Variants in CNBD1 observed in about 807,000 individuals in gnomAD.
The protein encoded by CNBD1 is cyclic nucleotide binding domain containing 1, also known as cyclic nucleotide-binding domain-containing protein 1.
A neutral mutation model predicts 54.4 loss-of-function variants in CNBD1; 71 were observed. The observed-to-expected ratio is 1.30, with a 90% CI of 1.08 to 1.59. The LOEUF is 1.59. Ranked by LOEUF, CNBD1 falls within the 40% of genes most tolerant of loss-of-function variation. The pLI is 0.00. For synonymous variants in CNBD1, 182 were observed against 170.7 expected (o/e 1.07, Z -0.51); for missense variants, 659 against 518.0 (o/e 1.27, Z -2.64).
intron 2 of CNBD1, among the ~76,000 whole-genome samples, chr8:87,423,260 C>A (rs989242120): frequency 9.9e-5 from 15 of 151,048 alleles, no homozygotes; most frequent in Admixed American, 2.0e-4. Context: ...AATTGAATAC[C>A]CTTTATTTCC....
At chr8:87,103,939 G>A (rs577225864) in intron 4 of CNBD1, among the ~76,000 whole-genome samples, 2 of 152,312 alleles carry the variant, frequency 1.3e-5, no homozygotes, top group Non-Finnish European at 2.9e-5. Context: ...CAAGAGTCAA[G>A]GGAAATGAGA....
intron 6 of CNBD1, among the ~76,000 whole-genome samples, chr8:87,248,905 G>A (rs1388915813): frequency 6.6e-6 from 1 of 152,068 alleles, no homozygotes; most frequent in Non-Finnish European, 1.5e-5. Flanking sequence ...AATAATGAGA[G>A]GGCCACGTAT....
intron 4 of CNBD1, among the ~76,000 whole-genome samples, chr8:87,153,852 C>T (rs972273299): frequency 3.3e-5 from 5 of 151,934 alleles, no homozygotes; most frequent in Non-Finnish European, 7.4e-5. Flanking sequence ...TTTGGGAGAC[C>T]GTAGAACAAA....
chr8:87,135,170 A>G (rs1193988394), intron 4 of CNBD1, among the ~76,000 whole-genome samples: 2 of 152,134 alleles, frequency 1.3e-5, no homozygotes, highest in African/African-American at 4.8e-5. Context: ...TGTGAATGGA[A>G]GTTACAGTAA....
At chr8:87,140,674 A>G (rs1027813320) in intron 4 of CNBD1, among the ~76,000 whole-genome samples, 5 of 152,158 alleles carry the variant, frequency 3.3e-5, no homozygotes, top group African/African-American at 4.8e-5. Flanking sequence ...TTTAAGTTCA[A>G]TTTTTTAAAT....
chr8:86,901,065 CT>C (rs1267778065), intron 2 of CNBD1, among the ~76,000 whole-genome samples: 2 of 152,060 alleles, frequency 1.3e-5, no homozygotes, highest in Admixed American at 6.6e-5. Context: ...ACAGAAGAGA[CT>C]GAATAGCATG....
At chr8:86,961,395 GC>G (rs1191424504) in intron 4 of CNBD1, among the ~76,000 whole-genome samples, 1 of 152,122 alleles carries the variant, frequency 6.6e-6, no homozygotes, top group Non-Finnish European at 1.5e-5. Flanking sequence ...GTTAAAACAG[GC>G]CCCCTGCTTA....
At position 86,909,745 on chromosome 8, in the gene CNBD1, T is replaced by A. The variant is rs1586127958; in HGVS notation, c.272+4551T>A. Among the ~76,000 whole-genome samples, 3 of 152,344 alleles carry A rather than the reference T, an allele frequency of 2.0e-5. No homozygotes were observed. In the East Asian group the frequency reaches 5.8e-4, roughly 29 times the overall value. ...ACTATGATGAGAAATATTTTTAAAA[T>A]CTGAGAACCCTGGCTTAAGATAGAA... On this transcript the variant is annotated intron_variant, in intron 3 of 10. Transcript: ENST00000518476.
At chr8:87,082,090 C>T (rs1399817137) in intron 4 of CNBD1, among the ~76,000 whole-genome samples, 5 of 152,190 alleles carry the variant, frequency 3.3e-5, no homozygotes, top group African/African-American at 7.2e-5. Flanking sequence ...GTGACTTGCA[C>T]GTATACATCC....
chr8:87,228,657 G>A (rs1325826331), intron 5 of CNBD1, among the ~76,000 whole-genome samples: 1 of 151,322 alleles, frequency 6.6e-6, no homozygotes, highest in Non-Finnish European at 1.5e-5. Context: ...TGTCAGACAG[G>A]GACATTTAAG....
intron 3 of CNBD1, among the ~76,000 whole-genome samples, chr8:86,925,423 T>C (rs562853898): frequency 6.6e-6 from 1 of 151,784 alleles, no homozygotes; most frequent in Non-Finnish European, 1.5e-5. Flanking sequence ...TTAGAAAGAG[T>C]CTGTATATTA....
intron 8 of CNBD1, among the ~76,000 whole-genome samples, chr8:87,304,122 C>G (rs909464123): frequency 2.0e-5 from 3 of 151,926 alleles, no homozygotes; most frequent in African/African-American, 7.3e-5. Context: ...TTGACCCAGC[C>G]ATCCCATTAC....
chr8:86,891,694 A>C (rs1328335670), intron 2 of CNBD1, among the ~76,000 whole-genome samples: 1 of 152,072 alleles, frequency 6.6e-6, no homozygotes, highest in Non-Finnish European at 1.5e-5. Context: ...CATTTTAACA[A>C]TATTAATTCT....
At chr8:87,353,834 G>C in intron 10 of CNBD1, 48 bp downstream of exon 10, 1 of 1,455,370 alleles carries the variant, frequency 6.9e-7, no homozygotes, top group Non-Finnish European at 9.3e-7. Context: ...TATTGGATGA[G>C]TTCTTAAATT....
chr8:87,010,227 TG>T, intron 4 of CNBD1, among the ~76,000 whole-genome samples: 1 of 152,246 alleles, frequency 6.6e-6, no homozygotes. Flanking sequence ...CCACTTCCCT[TG>T]GTACTTCAAA....
rs141803033 is a variant in CNBD1, at chr8:87,361,642, C to G, written c.1303+7856C>G. ...GTATAGATTTTGCATATACTTTGCC[C>G]CAGCAATTCCAGTTCATGGGGATCA... On this transcript the variant is annotated intron_variant, in intron 10 of 10. Transcript: ENST00000518476. Among the ~76,000 whole-genome samples, 21 of 150,246 alleles carry G rather than the reference C, an allele frequency of 1.4e-4. 1 individual carries two copies. The East Asian group carries it at 3.9e-3, about 28-fold the overall frequency.
chr8:87,357,310 G>T (rs1399607081), intron 10 of CNBD1, among the ~76,000 whole-genome samples: 1 of 152,176 alleles, frequency 6.6e-6, no homozygotes, highest in Non-Finnish European at 1.5e-5. Flanking sequence ...GCCATGGGCA[G>T]CTTGCACTCT....
chr8:87,027,216 G>A (rs894692699), intron 4 of CNBD1, among the ~76,000 whole-genome samples: 2 of 151,942 alleles, frequency 1.3e-5, no homozygotes, highest in African/African-American at 4.8e-5. Flanking sequence ...ATGCAATGAA[G>A]ACTGTGAACC....
intron 4 of CNBD1, among the ~76,000 whole-genome samples, chr8:86,972,016 G>T (rs889697920): frequency 6.6e-6 from 1 of 151,798 alleles, no homozygotes; most frequent in Admixed American, 6.6e-5. Flanking sequence ...GCAGTGGCAT[G>T]ATCTCGGCTC....
Sources: allele counts gnomAD v4.1 joint callset (sites outside exome capture counted in the v4.1 genomes callset), GRCh38; gene constraint gnomAD v4.1.1; transcripts MANE v1.5; gene names NCBI Gene and HGNC (gene_info 2026-07-23, HGNC 2026-07-21).